Variants in MAGI2 observed in about 807,000 individuals in gnomAD.
MAGI2 encodes the protein membrane-associated guanylate kinase, WW and PDZ domain-containing protein 2.
Under a neutral mutation model 133.3 loss-of-function variants are expected in MAGI2, and 35 were observed. The ratio of observed to expected loss-of-function variants is 0.26; its 90% CI spans 0.20 to 0.35. The LOEUF is 0.35. Ranked by LOEUF, MAGI2 falls within the 10% of genes least tolerant of loss-of-function variation. MAGI2 has a pLI of 1.00. For missense variants in MAGI2, 1,636 were observed against 1,863.4 expected (o/e 0.88, Z 2.25); for synonymous variants, 729 against 710.6 (o/e 1.03, Z -0.41).
rs374888858 is a variant in MAGI2, at chr7:79,003,912, C to T, written c.418+3178G>A. ...AAAACCACAATGAGATATCATCTTACTCCAGTTAGAATGTCTATTATTAAA... is the reference window on the plus strand; with the variant it reads ...AAAACCACAATGAGATATCATCTTATTCCAGTTAGAATGTCTATTATTAAA... On this transcript the variant is annotated intron_variant, in intron 2 of 21. Transcript: ENST00000354212. Among the ~76,000 whole-genome samples, 43 of 152,258 alleles carry T rather than the reference C, an allele frequency of 2.8e-4. No individual in the cohort carries two copies. The East Asian group carries it at 7.2e-3, about 25-fold the overall frequency.
At chr7:79,403,878 T>C (rs11980940) in intron 1 of MAGI2, among the ~76,000 whole-genome samples, 8,024 of 152,206 alleles carry the variant, frequency 0.053, 394 homozygotes, top group East Asian at 0.18. Flanking sequence ...GAGTAGTGTA[T>C]GATATGAATT....
chr7:79,043,156 C>G (rs993680412), intron 1 of MAGI2, among the ~76,000 whole-genome samples: 1 of 152,148 alleles, frequency 6.6e-6, no homozygotes, highest in African/African-American at 2.4e-5. Flanking sequence ...AACAGCCTAA[C>G]ATCGCATCTA....
rs574986781 is a variant in MAGI2 at position 79,161,869 on chromosome 7, T to C, written c.302-154663A>G. ...TTTAAAACAAAACAATTAGAGACAC[T>C]GGTTATTTTATCGAGGCTTAGACTA... On this transcript the variant is annotated intron_variant, in intron 1 of 21. Coordinates refer to ENST00000354212, the MANE Select transcript of MAGI2 (RefSeq NM_012301.4). 1.2e-4 allele frequency among the ~76,000 whole-genome samples: 19 copies of C among 152,246 alleles called. No homozygotes were observed. In the South Asian group the frequency reaches 3.3e-3, roughly 27 times the overall value.
In MAGI2 at chr7:78,342,982, T is replaced by C. The variant is rs553948908; in HGVS notation, c.1408+796A>G. Among the ~76,000 whole-genome samples, 8 of 152,256 alleles carry C rather than the reference T, an allele frequency of 5.3e-5. No homozygotes were observed. In the East Asian group the frequency reaches 1.5e-3, roughly 29 times the overall value. ...ATTTAAAAAAATTACACTATACAAA[T>C]CTTGAATCAGCACTTAAAAGACATA... On this transcript the variant is annotated intron_variant, in intron 9 of 21. Coordinates refer to ENST00000354212, the MANE Select transcript of MAGI2 (RefSeq NM_012301.4).
chr7:78,505,528 T>C (rs1337978876), intron 4 of MAGI2, among the ~76,000 whole-genome samples: 2 of 152,304 alleles, frequency 1.3e-5, no homozygotes, highest in South Asian at 2.1e-4. Context: ...GGTACGCACA[T>C]GGAACATACA....
At position 78,595,102 on chromosome 7, in the gene MAGI2, A is replaced by G. The variant is rs147022444; in HGVS notation, c.538+32018T>C. 1.9e-4 allele frequency among the ~76,000 whole-genome samples: 29 copies of G among 152,166 alleles called. No homozygotes were observed. The East Asian group carries it at 5.4e-3, about 28-fold the overall frequency. ...TAAAAACTCCCTCCTTTCCAAGTTC[A>G]TCTGCATCTAGTTACTGGGCCACAG... On this transcript the variant is annotated intron_variant, in intron 3 of 21. Transcript: ENST00000354212.
At chr7:78,095,972 T>C (rs1301319977) in intron 20 of MAGI2, among the ~76,000 whole-genome samples, 4 of 152,230 alleles carry the variant, frequency 2.6e-5, no homozygotes, top group Non-Finnish European at 5.9e-5. Flanking sequence ...TCATTCTCAC[T>C]CTAGAAAATG....
At chr7:78,653,274 C>G (rs868438101) in intron 2 of MAGI2, among the ~76,000 whole-genome samples, 1 of 152,188 alleles carries the variant, frequency 6.6e-6, no homozygotes, top group African/African-American at 2.4e-5. Context: ...ACCCAGCAAT[C>G]CCATTACTGG....
intron 1 of MAGI2, among the ~76,000 whole-genome samples, chr7:79,029,909 A>G (rs1335801187): frequency 6.6e-6 from 1 of 152,176 alleles, no homozygotes; most frequent in Non-Finnish European, 1.5e-5. Flanking sequence ...TCACCATGCT[A>G]GAAATTCTCA....
chr7:78,851,070 A>T (rs1317101609), intron 2 of MAGI2, among the ~76,000 whole-genome samples: 1 of 152,114 alleles, frequency 6.6e-6, no homozygotes. Context: ...ACCTCCTTAT[A>T]GTTATGGCTA....
intron 9 of MAGI2, among the ~76,000 whole-genome samples, chr7:78,323,212 G>T (rs1289866997): frequency 6.6e-6 from 1 of 152,094 alleles, no homozygotes; most frequent in African/African-American, 2.4e-5. Context: ...TTGGGTCTGA[G>T]GCATCAACAG....
At chr7:78,470,180 G>A (rs1791051347) in intron 6 of MAGI2, among the ~76,000 whole-genome samples, 1 of 152,072 alleles carries the variant, frequency 6.6e-6, no homozygotes, top group African/African-American at 2.4e-5. Context: ...TGACACTGGT[G>A]GAGAAATAAC....
chr7:78,784,819 G>C (rs1424793012), intron 2 of MAGI2, among the ~76,000 whole-genome samples: 1 of 152,176 alleles, frequency 6.6e-6, no homozygotes, highest in East Asian at 1.9e-4. Flanking sequence ...AAATAAATCT[G>C]TTATGCTTTT....
chr7:79,403,011 G>C (rs1845575771), intron 1 of MAGI2, among the ~76,000 whole-genome samples: 1 of 152,022 alleles, frequency 6.6e-6, no homozygotes, highest in South Asian at 2.1e-4. Flanking sequence ...TATTTTATTG[G>C]GTATGAAGAT....
intron 1 of MAGI2, among the ~76,000 whole-genome samples, chr7:79,121,738 T>G (rs573622364): frequency 6.6e-6 from 1 of 152,286 alleles, no homozygotes; most frequent in South Asian, 2.1e-4. Flanking sequence ...TTAAAAATAC[T>G]AATGAAAGTT....
chr7:78,475,303 A>G (rs1791631401), intron 6 of MAGI2, among the ~76,000 whole-genome samples: 1 of 152,106 alleles, frequency 6.6e-6, no homozygotes, highest in African/African-American at 2.4e-5. Flanking sequence ...AAACACATAC[A>G]CCATGGATTT....
intron 2 of MAGI2, among the ~76,000 whole-genome samples, chr7:78,822,941 CAA>C (rs1478540256): frequency 6.6e-6 from 1 of 152,122 alleles, no homozygotes; most frequent in African/African-American, 2.4e-5. Context: ...GGGCATTACT[CAA>C]GTCAGTATAA....
At chr7:78,513,884 T>C (rs556474602) in intron 4 of MAGI2, among the ~76,000 whole-genome samples, 3 of 151,286 alleles carry the variant, frequency 2.0e-5, no homozygotes, top group African/African-American at 7.3e-5. Flanking sequence ...AGGTCAGGAG[T>C]TGGAGACCAG....
At chr7:78,836,099 C>G (rs895720661) in intron 2 of MAGI2, among the ~76,000 whole-genome samples, 2 of 152,174 alleles carry the variant, frequency 1.3e-5, no homozygotes, top group African/African-American at 4.8e-5. Context: ...CAGACGTCAG[C>G]ATATTTTTAA....
Sources: allele counts gnomAD v4.1 joint callset (sites outside exome capture counted in the v4.1 genomes callset), GRCh38; gene constraint gnomAD v4.1.1; transcripts MANE v1.5; gene names NCBI Gene and HGNC (gene_info 2026-07-23, HGNC 2026-07-21).